Variants in PSPC1 observed in about 807,000 individuals in gnomAD.
PSPC1 encodes the protein paraspeckle protein 1.
A neutral mutation model predicts 51.6 loss-of-function variants in PSPC1; 14 were observed. That is an observed-to-expected ratio of 0.27 (90% confidence interval 0.18 to 0.42). PSPC1 has a LOEUF of 0.42. Among genes scored for constraint, PSPC1 ranks in the 10% least tolerant of loss-of-function variants. PSPC1 has a pLI of 1.00. For synonymous variants in PSPC1, 193 were observed against 231.9 expected (o/e 0.83, Z 1.53); for missense variants, 406 against 701.1 (o/e 0.58, Z 4.75).
chr13:19,745,976 A>C (rs941403296), intron 4 of PSPC1, among the ~76,000 whole-genome samples: 2 of 149,452 alleles, frequency 1.3e-5, no homozygotes, highest in Non-Finnish European at 3.0e-5. Flanking sequence ...TTCTTTAAGA[A>C]GGGCTCACAG....
intron 6 of PSPC1, among the ~76,000 whole-genome samples, chr13:19,722,250 A>G (rs763474802): frequency 2.0e-4 from 30 of 152,094 alleles, no homozygotes; most frequent in Admixed American, 9.2e-4. Flanking sequence ...TAATCCCAGC[A>G]CTTTGGGAGG....
chr13:19,768,626 C>T (rs2138275177), intron 2 of PSPC1, among the ~76,000 whole-genome samples: 1 of 148,386 alleles, frequency 6.7e-6, no homozygotes, highest in African/African-American at 2.5e-5. Context: ...CCAGGCTGGG[C>T]AACAGAGCAA....
chr13:19,736,466 A>G lies in PSPC1; in HGVS notation c.1052+5099T>C, dbSNP rs373084441. Among the ~76,000 whole-genome samples the G allele has an allele frequency of 3.8e-3, 579 of 152,060 alleles. 2 individuals carry two copies. The highest frequency in any genetic ancestry group is 9.4e-3 in the African/African-American group (391 of 41,508). ...TGGGAGGCCGAGGCGGGCGGATCAC[A>G]AGGTCAGCAGATCGAGACCATCCTG... On this transcript the variant is annotated intron_variant, in intron 5 of 8. Transcript: ENST00000338910.
rs1888723214 is a variant in PSPC1 at position 19,772,604 on chromosome 13, GT to G, written c.373-62del. On this transcript the variant is annotated intron_variant, in intron 1 of 8. Coordinates refer to ENST00000338910, the MANE Select transcript of PSPC1 (RefSeq NM_001354909.2). ...AGTAACAGAAAAAATTCAAAACAGT[GT>G]TTGGCTTCTAGGGAGAACTAGGTAT... 6 of 1,497,238 alleles carry G rather than the reference GT, an allele frequency of 4.0e-6. No homozygotes were observed. In the South Asian group the frequency reaches 7.9e-5, roughly 20 times the overall value. The allele number at this position is 1,497,238 out of a possible 1,614,324, so 92.7% of individuals were successfully genotyped here.
At chr13:19,778,636 G>C (rs1278879981) in intron 1 of PSPC1, among the ~76,000 whole-genome samples, 193 of 118,928 alleles carry the variant, frequency 1.6e-3, no homozygotes, top group Admixed American at 2.4e-3. Flanking sequence ...GCCTCCCGAG[G>C]TGCCGGGATT....
intron 1 of PSPC1, among the ~76,000 whole-genome samples, chr13:19,774,939 C>A (rs936122862): frequency 3.3e-5 from 5 of 151,888 alleles, no homozygotes; most frequent in African/African-American, 1.2e-4. Flanking sequence ...CTTTGGGAAG[C>A]CAAAACAGGA....
At chr13:19,754,242 A>C (rs1886850955) in intron 3 of PSPC1, among the ~76,000 whole-genome samples, 1 of 147,566 alleles carries the variant, frequency 6.8e-6, no homozygotes. Flanking sequence ...CTGCCACCAC[A>C]CCCAGCTAAT....
intron 3 of PSPC1, among the ~76,000 whole-genome samples, chr13:19,755,602 A>C: frequency 6.6e-6 from 1 of 151,974 alleles, no homozygotes; most frequent in Non-Finnish European, 1.5e-5. Context: ...AAAAAAAAAA[A>C]CAATAGATAT....
intron 4 of PSPC1, among the ~76,000 whole-genome samples, chr13:19,749,893 T>G (rs1886362937): frequency 6.6e-6 from 1 of 152,198 alleles, no homozygotes; most frequent in African/African-American, 2.4e-5. Flanking sequence ...GGGTCCAAAT[T>G]AAACCAAAAC....
At chr13:19,681,477 T>C (rs1231182924) in intron 6 of PSPC1, among the ~76,000 whole-genome samples, 2 of 152,202 alleles carry the variant, frequency 1.3e-5, no homozygotes, top group African/African-American at 4.8e-5. Context: ...CTAATGAGCA[T>C]GGAAGCTGAG....
intron 3 of PSPC1, among the ~76,000 whole-genome samples, chr13:19,757,565 C>A (rs1379200619): frequency 6.6e-6 from 1 of 152,132 alleles, no homozygotes; most frequent in Non-Finnish European, 1.5e-5. Context: ...AAGACCAATT[C>A]ACAATTCAGC....
chr13:19,715,674 G>C (rs945675760), intron 6 of PSPC1, among the ~76,000 whole-genome samples: 1 of 151,922 alleles, frequency 6.6e-6, no homozygotes, highest in Admixed American at 6.6e-5. Context: ...GATGCCAATT[G>C]CTCGAGCCCA....
intron 4 of PSPC1, among the ~76,000 whole-genome samples, chr13:19,748,453 A>T (rs928016759): frequency 6.6e-6 from 1 of 152,190 alleles, no homozygotes; most frequent in Admixed American, 6.6e-5. Flanking sequence ...AAATGAACAC[A>T]CACGATAAAC....
At chr13:19,707,402 T>C (rs1880829637) in intron 7 of PSPC1, among the ~76,000 whole-genome samples, 1 of 152,206 alleles carries the variant, frequency 6.6e-6, no homozygotes, top group Non-Finnish European at 1.5e-5. Context: ...CATTATAATG[T>C]AGGTTTCGTT....
chr13:19,686,797 A>G (rs979703333), intron 6 of PSPC1, among the ~76,000 whole-genome samples: 1 of 152,188 alleles, frequency 6.6e-6, no homozygotes, highest in Non-Finnish European at 1.5e-5. Context: ...GGCTATAATG[A>G]AGGGCCTATT....
chr13:19,717,848 C>G (rs952371078), intron 6 of PSPC1, among the ~76,000 whole-genome samples: 1 of 150,446 alleles, frequency 6.6e-6, no homozygotes, highest in African/African-American at 2.5e-5. Context: ...TGCACTCCAG[C>G]GTGGGCGACA....
chr13:19,724,378 A>C (rs1427189791), intron 6 of PSPC1, among the ~76,000 whole-genome samples: 1 of 152,130 alleles, frequency 6.6e-6, no homozygotes, highest in African/African-American at 2.4e-5. Context: ...CACATCAGGG[A>C]AAGTTAGGTT....
At chr13:19,708,308 T>C (rs943325411) in intron 7 of PSPC1, among the ~76,000 whole-genome samples, 3 of 152,244 alleles carry the variant, frequency 2.0e-5, no homozygotes, top group Admixed American at 2.0e-4. Context: ...GCATGTTAAG[T>C]ACATTGTTTG....
chr13:19,730,195 C>T (rs766708599), intron 6 of PSPC1, 44 bp downstream of exon 6: 2 of 1,545,702 alleles, frequency 1.3e-6, no homozygotes, highest in South Asian at 2.2e-5. Flanking sequence ...GCATCATAAA[C>T]CTGAAAATAT....
Sources: allele counts gnomAD v4.1 joint callset (sites outside exome capture counted in the v4.1 genomes callset), GRCh38; gene constraint gnomAD v4.1.1; transcripts MANE v1.5; gene names NCBI Gene and HGNC (gene_info 2026-07-23, HGNC 2026-07-21).